Variants in ZFHX3 observed in about 807,000 individuals in gnomAD.
The protein encoded by ZFHX3 is zinc finger homeobox protein 3.
Under a neutral mutation model 279.1 loss-of-function variants are expected in ZFHX3, and 42 were observed. That is an observed-to-expected ratio of 0.15 (90% CI 0.12 to 0.19). The LOEUF is 0.19. Among genes scored for constraint, ZFHX3 ranks in the 10% least tolerant of loss-of-function variants. The pLI, the probability that ZFHX3 is intolerant of heterozygous loss-of-function variation, is 1.00. For missense variants in ZFHX3, 4,981 were observed against 4,754.0 expected, an observed-to-expected ratio of 1.05 and a Z score of -1.40; for synonymous variants, 2,293 against 1,957.8, an observed-to-expected ratio of 1.17 and a Z score of -4.52.
intron 1 of ZFHX3, among the ~76,000 whole-genome samples, chr16:73,805,428 C>T (rs1960252361): frequency 1.3e-5 from 2 of 152,192 alleles, no homozygotes; most frequent in South Asian, 4.1e-4. Flanking sequence ...CTCTGCCTCC[C>T]AAAGTGCTGG....
At chr16:73,391,854 G>A (rs550305459) in intron 3 of ZFHX3, among the ~76,000 whole-genome samples, 3 of 152,208 alleles carry the variant, frequency 2.0e-5, no homozygotes, top group East Asian at 1.9e-4. Context: ...GCACACAACC[G>A]GGGAAGACTT....
intron 1 of ZFHX3, among the ~76,000 whole-genome samples, chr16:73,844,884 G>A (rs1961407712): frequency 6.6e-6 from 1 of 151,960 alleles, no homozygotes; most frequent in Non-Finnish European, 1.5e-5. Context: ...GTAGGCGGAT[G>A]GTAGGAAGAT....
intron 3 of ZFHX3, among the ~76,000 whole-genome samples, chr16:72,946,729 G>A (rs1247852476): frequency 1.3e-5 from 2 of 152,204 alleles, no homozygotes; most frequent in Non-Finnish European, 2.9e-5. Flanking sequence ...AGGGCAGAGG[G>A]CAAGCATGTG....
intron 5 of ZFHX3, among the ~76,000 whole-genome samples, chr16:72,824,861 T>G (rs1409934574): frequency 6.6e-6 from 1 of 152,246 alleles, no homozygotes; most frequent in Non-Finnish European, 1.5e-5. Context: ...AAATCTATTC[T>G]GGTAAAAGAG....
At chr16:72,998,648 C>G (rs1287638834) in intron 1 of ZFHX3, among the ~76,000 whole-genome samples, 1 of 152,148 alleles carries the variant, frequency 6.6e-6, no homozygotes, top group Non-Finnish European at 1.5e-5. Context: ...AATGTAAAAC[C>G]CTGGCTTCCT....
intron 1 of ZFHX3, among the ~76,000 whole-genome samples, chr16:73,831,387 G>T (rs924334612): frequency 6.6e-6 from 1 of 152,216 alleles, no homozygotes; most frequent in Non-Finnish European, 1.5e-5. Context: ...GCTCTGATGA[G>T]AGGTGCTAAA....
chr16:73,758,255 TTC>T (rs2053831177), intron 1 of ZFHX3, among the ~76,000 whole-genome samples: 1 of 151,682 alleles, frequency 6.6e-6, no homozygotes, highest in Non-Finnish European at 1.5e-5. Flanking sequence ...CATTCATTCA[TTC>T]ATTCAACAGA....
At chr16:73,458,818 A>G (rs1169973746) in intron 2 of ZFHX3, among the ~76,000 whole-genome samples, 1 of 152,238 alleles carries the variant, frequency 6.6e-6, no homozygotes, top group African/African-American at 2.4e-5. Context: ...CCTGTTTTAA[A>G]TAATTAAGGA....
At chr16:73,634,109 GATCT>G (rs1203483100) in intron 2 of ZFHX3, among the ~76,000 whole-genome samples, 2 of 151,852 alleles carry the variant, frequency 1.3e-5, no homozygotes, top group Non-Finnish European at 2.9e-5. Flanking sequence ...AGGATACAAA[GATCT>G]ATCTATGTGT....
intron 1 of ZFHX3, among the ~76,000 whole-genome samples, chr16:73,818,344 A>G (rs917418236): frequency 2.6e-5 from 4 of 152,220 alleles, no homozygotes; most frequent in African/African-American, 9.6e-5. Flanking sequence ...GTTTGTGGCA[A>G]GGTGATTTTC....
intron 7 of ZFHX3, among the ~76,000 whole-genome samples, chr16:73,105,458 T>TTTC (rs1966291698): frequency 4.7e-5 from 3 of 63,514 alleles, no homozygotes; most frequent in African/African-American, 2.3e-4. Flanking sequence ...TATATATATA[T>TTTC]TTTTTCCCCC....
At chr16:73,245,027 C>G (rs556639647) in intron 5 of ZFHX3, among the ~76,000 whole-genome samples, 2 of 152,276 alleles carry the variant, frequency 1.3e-5, no homozygotes, top group East Asian at 3.9e-4. Flanking sequence ...ACCAGAGAAA[C>G]TGGTGATCTC....
chr16:73,440,553 T>G (rs979962525), intron 3 of ZFHX3, among the ~76,000 whole-genome samples: 1 of 152,386 alleles, frequency 6.6e-6, no homozygotes, highest in Non-Finnish European at 1.5e-5. Flanking sequence ...GCTTCATTTC[T>G]GACAGATTGA....
chr16:72,954,108 A>G (rs1961130018), intron 2 of ZFHX3, among the ~76,000 whole-genome samples: 1 of 152,152 alleles, frequency 6.6e-6, no homozygotes, highest in Admixed American at 6.5e-5. Context: ...AGTGGCTCAC[A>G]CCTGTCATCC....
At chr16:72,998,836 C>A (rs932239909) in intron 1 of ZFHX3, among the ~76,000 whole-genome samples, 1 of 152,234 alleles carries the variant, frequency 6.6e-6, no homozygotes, top group Non-Finnish European at 1.5e-5. Flanking sequence ...CTGGAGTTAA[C>A]AGATTTTCAC....
intron 3 of ZFHX3, among the ~76,000 whole-genome samples, chr16:73,429,112 T>C (rs1299778661): frequency 1.3e-5 from 2 of 152,156 alleles, no homozygotes; most frequent in African/African-American, 4.8e-5. Flanking sequence ...CCCTCCTTCC[T>C]TTTTCATCTT....
chr16:73,786,509 A>G (rs983106914), intron 1 of ZFHX3, among the ~76,000 whole-genome samples: 1 of 152,104 alleles, frequency 6.6e-6, no homozygotes, highest in African/African-American at 2.4e-5. Flanking sequence ...TACATCTTTT[A>G]TCTTGGGCTG....
chr16:72,796,953 G>A lies in ZFHX3; in HGVS notation c.5729C>T (p.Pro1910Leu). ...CTTCTCTTTGGCCTTCAAGGCATCT[G>A]GCAGTGTTTCCTTCGGACCGGTGTT... ...EGNTGPKETL[P>L]DALKAKEKKE... Residue 1910 changes from proline to leucine, a missense_variant, in exon 9 of 10, where the codon CCA becomes CTA. Pro to Leu is a moderately conservative substitution (Grantham distance 98, BLOSUM62 -3). Coordinates refer to ENST00000268489, the MANE Select transcript of ZFHX3 (RefSeq NM_006885.4). The A allele has an allele frequency of 6.2e-7, 1 of 1,613,986 alleles. No individual in the cohort carries two copies. The highest frequency in any genetic ancestry group is 8.5e-7 in the Non-Finnish European group (1 of 1,179,986).
chr16:73,355,107 A>T (rs1236620778), intron 3 of ZFHX3, among the ~76,000 whole-genome samples: 1 of 152,194 alleles, frequency 6.6e-6, no homozygotes, highest in Non-Finnish European at 1.5e-5. Flanking sequence ...TTCGGGGGAT[A>T]CGTGTTCCAT....
Sources: allele counts gnomAD v4.1 joint callset (sites outside exome capture counted in the v4.1 genomes callset), GRCh38; gene constraint gnomAD v4.1.1; transcripts MANE v1.5; gene names NCBI Gene and HGNC (gene_info 2026-07-23, HGNC 2026-07-21).